The following ADCY9 variants were observed in gnomAD, a reference collection of about 807,000 sequenced individuals.
ADCY9 encodes adenylate cyclase type 9.
ADCY9 carries 50 observed loss-of-function variants against 101.5 expected under a neutral mutation model. The observed-to-expected ratio is 0.49, with a 90% CI of 0.39 to 0.62. The LOEUF (loss-of-function observed/expected upper bound fraction) is 0.62. Ranked by LOEUF, ADCY9 falls within the 20% of genes least tolerant of loss-of-function variation. The pLI is 0.00. For synonymous variants in ADCY9, 905 were observed against 769.3 expected (o/e 1.18, Z -2.92); for missense variants, 1,662 against 1,800.4 (o/e 0.92, Z 1.39).
Position 4,113,843 on chromosome 16 carries a change from C to A in ADCY9, c.1600G>T (p.Ala534Ser). 6.2e-7 allele frequency: 1 copy of A among 1,614,150 alleles called. No individual in the cohort carries two copies. The highest frequency in any genetic ancestry group is 8.5e-7 in the Non-Finnish European group (1 of 1,180,030). ...GVAGKVHISE[A>S]TAKYLDDRYE... The stretch of plus-strand genomic sequence containing the variant: ...CGGTCATCTAAGTATTTTGCGGTGG[C>A]CTCAGAAATGTGAACTTTGCCGGCC... The change falls in exon 2 of 11, where the codon GCC (alanine) becomes TCC (serine). Residue 534 changes from alanine to serine, a missense_variant. Around this residue, in one of 5 missense-constraint regions of ADCY9, gnomAD observed 624 missense variants for 639.1 expected, o/e 0.98. Coordinates refer to ENST00000294016, the MANE Select transcript of ADCY9 (RefSeq NM_001116.4).
chr16:4,068,660 A>C (rs2056814878), intron 2 of ADCY9, among the ~76,000 whole-genome samples: 1 of 151,604 alleles, frequency 6.6e-6, no homozygotes, highest in Non-Finnish European at 1.5e-5. Flanking sequence ...TAAAAATACA[A>C]AAAAAAATTA....
intron 8 of ADCY9, 100 bp from the exon 9 acceptor site, chr16:3,977,730 T>C: frequency 7.0e-7 from 1 of 1,421,612 alleles, no homozygotes; most frequent in Non-Finnish European, 9.4e-7. Flanking sequence ...TGTTTCCTTT[T>C]TTTTTTGACT....
chr16:4,110,363 A>G (rs2057105835), intron 2 of ADCY9, among the ~76,000 whole-genome samples: 1 of 147,342 alleles, frequency 6.8e-6, no homozygotes, highest in Non-Finnish European at 1.5e-5. Context: ...TTTTGCAATC[A>G]TACTTATACC....
downstream of ADCY9, among the ~76,000 whole-genome samples, chr16:3,959,456 G>A (rs148641393): frequency 3.3e-4 from 50 of 152,130 alleles, 1 homozygote; most frequent in African/African-American, 1.2e-3. Flanking sequence ...TAAAGCCACT[G>A]GGACAAGCAC....
chr16:4,029,892 C>T (rs1474550844), intron 2 of ADCY9, among the ~76,000 whole-genome samples: 1 of 152,136 alleles, frequency 6.6e-6, no homozygotes, highest in Non-Finnish European at 1.5e-5. Context: ...GACACTCAGC[C>T]AGGGAACTGC....
chr16:4,115,345 T>C lies in ADCY9; in HGVS notation c.98A>G (p.Asn33Ser). ...GCTGTTGGAGGACAGCTGCTTGGGG[T>C]TGATCTTGACGCGCACGCTGTTGCT... ...GDSNSVRVKI[N>S]PKQLSSNSHP... Residue 33 changes from asparagine to serine, a missense_variant, in exon 2 of 11, where the codon AAC becomes AGC. Transcript: ENST00000294016. This position sits in a 1 kb window ranked among gnomAD's most constrained non-coding sequence, Gnocchi z 6.2. 2 of 1,613,014 alleles carry C rather than the reference T, an allele frequency of 1.2e-6. No individual in the cohort carries two copies. Among genetic ancestry groups the C allele is most frequent in the Non-Finnish European group, 1.7e-6 (2 of 1,179,658 alleles).
At chr16:4,075,747 G>A (rs994113884) in intron 2 of ADCY9, among the ~76,000 whole-genome samples, 10 of 152,130 alleles carry the variant, frequency 6.6e-5, no homozygotes, top group East Asian at 1.9e-4. Flanking sequence ...CTGGGGCAGC[G>A]GGGGGGCCAG....
At chr16:4,064,818 A>G (rs1302904548) in intron 2 of ADCY9, among the ~76,000 whole-genome samples, 1 of 151,948 alleles carries the variant, frequency 6.6e-6, no homozygotes, top group Non-Finnish European at 1.5e-5. Flanking sequence ...AAAAAAGAAG[A>G]CTACACAAAA....
At chr16:4,004,831 G>A (rs1009899003) in intron 3 of ADCY9, among the ~76,000 whole-genome samples, 5 of 152,298 alleles carry the variant, frequency 3.3e-5, no homozygotes, top group East Asian at 1.9e-4. Context: ...GGAGCTGAAC[G>A]GTGAATGCAG....
chr16:4,109,054 C>T (rs1400656243), intron 2 of ADCY9, among the ~76,000 whole-genome samples: 13 of 152,178 alleles, frequency 8.5e-5, no homozygotes, highest in Non-Finnish European at 8.8e-5. Flanking sequence ...GCTAAAAATT[C>T]CTGCAACCTT....
chr16:3,958,413 A>C (rs1173347383), downstream of ADCY9, among the ~76,000 whole-genome samples: 9 of 151,512 alleles, frequency 5.9e-5, no homozygotes, highest in Non-Finnish European at 1.3e-4. Context: ...GGTGGTGTGC[A>C]CCTGTAATCC....
In ADCY9 at chr16:3,977,489, G is replaced by C. The variant is rs1176556124; in HGVS notation, c.2821C>G (p.Pro941Ala). 3.2e-6 allele frequency: 5 copies of C among 1,564,546 alleles called. No individual in the cohort carries two copies. Among genetic ancestry groups the C allele is most frequent in the Non-Finnish European group, 4.3e-6 (5 of 1,154,888 alleles). ...GCAGTGCTGGCCGCGTACCTGTCTG[G>C]GCACAGGGAGACGTAGAGCAGGAGC... Reference protein sequence around the residue: ...PLLLLYVSLCPDSSVLTSPLD... With the variant: ...PLLLLYVSLCADSSVLTSPLD... Residue 941 changes from proline (P) to alanine (A), a missense_variant, in exon 9 of 11, where the codon CCA becomes GCA. This residue lies in a region of ADCY9 where 624 missense variants were observed against 639.1 expected (regional missense o/e 0.98). Coordinates refer to ENST00000294016, the MANE Select transcript of ADCY9 (RefSeq NM_001116.4).
At chr16:4,090,466 G>A (rs929399891) in intron 2 of ADCY9, among the ~76,000 whole-genome samples, 1 of 152,046 alleles carries the variant, frequency 6.6e-6, no homozygotes, top group East Asian at 1.9e-4. Context: ...AGCTTTTTCT[G>A]TGGCCAACGC....
In ADCY9 at chr16:3,966,645, G is replaced by C; in HGVS notation, c.3192C>G (p.Ile1064Met). Residue 1064 changes from isoleucine to methionine, a missense_variant, in exon 11 of 11, where the codon ATC becomes ATG. Coordinates refer to ENST00000294016, the MANE Select transcript of ADCY9 (RefSeq NM_001116.4). Reference sequence around the variant, plus strand: ...CCTCGTAGAACTCGCTGAAGTTGACGATGCTGGCGAAGATCACCCCTCCGC... The same window carrying C: ...CCTCGTAGAACTCGCTGAAGTTGACCATGCTGGCGAAGATCACCCCTCCGC... ...HDSGGVIFAS[I>M]VNFSEFYEEN... is the part of the protein sequence containing the mutation. The C allele has an allele frequency of 6.2e-7, 1 of 1,614,160 alleles. No homozygotes were observed. The highest frequency in any genetic ancestry group is 8.5e-7 in the Non-Finnish European group (1 of 1,180,028).
Position 4,007,403 on chromosome 16 carries a change from A to C in ADCY9, c.1849T>G (p.Leu617Val). 1 of 1,599,288 alleles carries C rather than the reference A, an allele frequency of 6.3e-7. No homozygotes were observed. ...TCAAAGGTTTTGACAGTCTGCGCCA[A>C]GTCACTGACATTCCCTGATGACGCT... The part of the protein sequence containing the change: ...GTASSGNVSD[L>V]AQTVKTFDNL... The change falls in exon 3 of 11, where the codon TTG becomes GTG. Residue 617 changes from leucine (L) to valine (V), a missense_variant. By Grantham distance (32) the Leu-to-Val change is conservative (BLOSUM62 1). Transcript: ENST00000294016.
rs373717362 is a variant in ADCY9, at chr16:3,957,340, A to G, written c.568-3824T>C. Among the ~76,000 whole-genome samples the G allele has an allele frequency of 3.9e-5, 6 of 152,376 alleles. No homozygotes were observed. The East Asian group carries it at 5.8e-4, about 15-fold the overall frequency. On this transcript the variant is annotated intron_variant, in intron 5 of 5. Transcript: ENST00000576936. ...CAGCTCGTTGGCAGAAAAGCATAGC[A>G]TAACAGCAGACTATCTTCCAGGTAG...
intron 5 of ADCY9, among the ~76,000 whole-genome samples, chr16:3,955,634 C>T (rs1597125370): frequency 6.6e-6 from 1 of 152,084 alleles, no homozygotes; most frequent in East Asian, 1.9e-4. Flanking sequence ...CAACCTCTGC[C>T]TCCCAGAGGT....
chr16:3,992,931 C>T lies in ADCY9; in HGVS notation c.1989+475G>A, dbSNP rs533706458. ...CAGGTGAGTCGCCTGCATGAGCCCC[C>T]GCCGACAGGCTCTCGCGGGTGGGCT... On this transcript the variant is annotated intron_variant, in intron 4 of 10. Coordinates refer to ENST00000294016, the MANE Select transcript of ADCY9 (RefSeq NM_001116.4). The surrounding 1 kb of genome is among the most constrained non-coding windows in gnomAD (Gnocchi z 4.2). Among the ~76,000 whole-genome samples the T allele has an allele frequency of 2.0e-5, 3 of 152,218 alleles. No individual in the cohort carries two copies. The highest frequency in any genetic ancestry group is 2.1e-4 in the South Asian group (1 of 4,826).
rs2056834660 is a variant in ADCY9 at position 4,071,511 on chromosome 16, C to G, written c.1693+42239G>C. Among the ~76,000 whole-genome samples the G allele has an allele frequency of 2.0e-5, 3 of 152,142 alleles. No homozygotes were observed. The South Asian group carries it at 6.2e-4, about 32-fold the overall frequency. Reference sequence around the variant, plus strand: ...TCTTGCTACATTTGATGCAAATCTTCAGGCCAAGTATAAAGCAACTAAAAT... The same window carrying G: ...TCTTGCTACATTTGATGCAAATCTTGAGGCCAAGTATAAAGCAACTAAAAT... On this transcript the variant is annotated intron_variant, in intron 2 of 10. Coordinates refer to ENST00000294016, the MANE Select transcript of ADCY9 (RefSeq NM_001116.4).
Sources: allele counts gnomAD v4.1 joint callset (sites outside exome capture counted in the v4.1 genomes callset), GRCh38; gene constraint gnomAD v4.1.1; regional missense constraint gnomAD v4.1.1; non-coding constraint Gnocchi (gnomAD v3.1); transcripts MANE v1.5; gene names NCBI Gene and HGNC (gene_info 2026-07-23, HGNC 2026-07-21).